The following NICN1 variants were observed in gnomAD, a reference collection of about 807,000 sequenced individuals.
NICN1 encodes nicolin 1, tubulin polyglutamylase complex subunit, also known as nicolin-1.
Under a neutral mutation model 26.3 loss-of-function variants are expected in NICN1, and 18 were observed. The observed-to-expected ratio is 0.68, with a 90% CI of 0.47 to 1.01. NICN1 has a LOEUF of 1.01. Among genes scored for constraint, NICN1 ranks in the 50% least tolerant of loss-of-function variants. The pLI is 0.00. For synonymous variants in NICN1, 109 were observed against 111.0 expected, an observed-to-expected ratio of 0.98 and a Z score of 0.11; for missense variants, 239 against 278.3, an observed-to-expected ratio of 0.86 and a Z score of 1.00.
chr3:49,424,921 A>G (rs1296287750), intron 5 of NICN1, 28 bp downstream of exon 5: 2 of 1,613,298 alleles, frequency 1.2e-6, no homozygotes, highest in East Asian at 2.2e-5. Flanking sequence ...GGGCAAAGCA[A>G]GCCAAGCAGA....
chr3:49,426,462 A>C, intron 1 of NICN1, 34 bp from the exon 2 acceptor site: 1 of 1,590,188 alleles, frequency 6.3e-7, no homozygotes, highest in Non-Finnish European at 8.6e-7. Context: ...AACAAGTCAG[A>C]CCCAGGCCCA....
chr3:49,428,461 C>T (rs892995739), intron 1 of NICN1, among the ~76,000 whole-genome samples: 1 of 152,034 alleles, frequency 6.6e-6, no homozygotes, highest in African/African-American at 2.4e-5. Flanking sequence ...GTGGCTCAAG[C>T]CTGTAATCCC....
chr3:49,426,355 T>A lies in NICN1; in HGVS notation c.206A>T (p.His69Leu). 2 of 1,614,188 alleles carry A rather than the reference T, an allele frequency of 1.2e-6. No homozygotes were observed. The highest frequency in any genetic ancestry group is 1.7e-6 in the Non-Finnish European group (2 of 1,180,034). Residue 69 changes from histidine (H) to leucine (L), a missense_variant, in exon 2 of 6, where the codon CAC becomes CTC. Physicochemically the swap from His to Leu is moderately conservative, Grantham distance 99. Transcript: ENST00000273598. Reference protein sequence around the residue: ...SIRVRQYTSAHTPAKWVTCLR... With the variant: ...SIRVRQYTSALTPAKWVTCLR... ...GCAGGTCACCCACTTGGCAGGTGTG[T>A]GTGCTGAGGTGTACTGACGGACACG... is the stretch of plus-strand genomic sequence containing the variant.
At position 49,422,537 on chromosome 3, in the gene NICN1, C is replaced by G; in HGVS notation, c.*2296G>C. On this transcript the variant is annotated 3_prime_UTR_variant, in exon 6 of 6. Coordinates refer to ENST00000273598, the MANE Select transcript of NICN1 (RefSeq NM_032316.3). ...GATGTAGTCCAGGCCTCTGCTCGGA[C>G]AGGTCTCTCTCCGGAGCAAAGGATC... 7.2e-7 allele frequency: 1 copy of G among 1,392,538 alleles called. No homozygotes were observed. The highest frequency in any genetic ancestry group is 1.0e-6 in the Non-Finnish European group (1 of 998,038). The allele number at this position is 1,392,538 out of a possible 1,614,324, so 86.3% of individuals were successfully genotyped here. A position where few individuals can be genotyped will look rare whatever the true frequency, so the allele number is the denominator to read the frequency against.
intron 2 of NICN1, 90 bp downstream of exon 2, chr3:49,426,162 C>G: frequency 2.2e-6 from 3 of 1,369,896 alleles, no homozygotes; most frequent in Non-Finnish European, 2.0e-6. Context: ...CAGACTGGCC[C>G]CCTCTTCCCT....
At position 49,422,874 on chromosome 3, in the gene NICN1, A is replaced by G. The variant is rs569163347; in HGVS notation, c.*1959T>C. 2.0e-5 allele frequency: 7 copies of G among 353,962 alleles called. No homozygotes were observed. In the Admixed American group the frequency reaches 2.3e-4, roughly 11 times the overall value. The allele number at this position is 353,962 out of a possible 1,614,324, so 21.9% of individuals were successfully genotyped here. On this transcript the variant is annotated 3_prime_UTR_variant, in exon 6 of 6. Coordinates refer to ENST00000273598, the MANE Select transcript of NICN1 (RefSeq NM_032316.3). ...CAGCCTGGCAGGTAGGCAGCACCACAGTAGTCTGTCCTCATGTGGACCCCT... is the reference window on the plus strand; with the variant it reads ...CAGCCTGGCAGGTAGGCAGCACCACGGTAGTCTGTCCTCATGTGGACCCCT...
Position 49,422,918 on chromosome 3 carries a change from C to A in NICN1, c.*1915G>T. The A allele has an allele frequency of 3.5e-6, 1 of 286,768 alleles. No homozygotes were observed. The highest frequency in any genetic ancestry group is 3.3e-5 in the South Asian group (1 of 29,856). The allele number at this position is 286,768 out of a possible 1,614,324, so 17.8% of individuals were successfully genotyped here. On this transcript the variant is annotated 3_prime_UTR_variant, in exon 6 of 6. Transcript: ENST00000273598. The stretch of plus-strand genomic sequence containing the variant: ...GACCCCTAGTTCCACAGCTCTCCCA[C>A]CAGGCAGACACAGGCAGCCAGCAGT...
At position 49,422,618 on chromosome 3, in the gene NICN1, G is replaced by A. The variant is rs2049132068; in HGVS notation, c.*2215C>T. ...GCTGGGATTTAGAGCAGAGAATGCA[G>A]GAACCCGCAACCACAGGGAAGAAGC... On this transcript the variant is annotated 3_prime_UTR_variant, in exon 6 of 6. Transcript: ENST00000273598. The A allele has an allele frequency of 2.6e-6, 2 of 766,738 alleles. No homozygotes were observed. Among genetic ancestry groups the A allele is most frequent in the Non-Finnish European group, 2.3e-6 (1 of 442,862 alleles). The allele number at this position is 766,738 out of a possible 1,614,324, so 47.5% of individuals were successfully genotyped here.
At chr3:49,428,634 G>A (rs1390473207) in intron 1 of NICN1, among the ~76,000 whole-genome samples, 1 of 150,984 alleles carries the variant, frequency 6.6e-6, no homozygotes, top group African/African-American at 2.4e-5. Flanking sequence ...GGCAGGAGAA[G>A]CGCTTGAACC....
intron 1 of NICN1, among the ~76,000 whole-genome samples, chr3:49,426,827 G>A (rs1231331131): frequency 1.3e-5 from 2 of 152,212 alleles, no homozygotes; most frequent in African/African-American, 2.4e-5. Flanking sequence ...ATTTCAACAA[G>A]TATCACTAGG....
chr3:49,428,201 C>A (rs1281975976), intron 1 of NICN1, among the ~76,000 whole-genome samples: 1 of 151,278 alleles, frequency 6.6e-6, no homozygotes, highest in Admixed American at 6.6e-5. Context: ...GCCTGGGCAA[C>A]AAGAGTGAAC....
At position 49,426,003 on chromosome 3, in the gene NICN1, C is replaced by A. The variant is rs777077031; in HGVS notation, c.310-7G>T. ...TAGCCATGTCACACAGCATCTGACA[C>A]ACACACACAAGGACCCAGCAAGGAT... On this transcript the variant is annotated splice_region_variant and splice_polypyrimidine_tract_variant and intron_variant, in intron 2 of 5. Coordinates refer to ENST00000273598, the MANE Select transcript of NICN1 (RefSeq NM_032316.3). 6.4e-6 allele frequency: 10 copies of A among 1,568,778 alleles called. No individual in the cohort carries two copies. In the South Asian group the frequency reaches 1.1e-4, roughly 17 times the overall value.
Position 49,424,964 on chromosome 3 carries a change from C to G in NICN1, c.585G>C (p.Arg195Ser). The change falls in exon 5 of 6, where the codon AGG becomes AGC. Residue 195 changes from arginine (R) to serine (S), a missense_variant. Arg to Ser is a moderately radical substitution (Grantham distance 110). Transcript: ENST00000273598. ...GATTACTTACATCAAAGCGGCCGATCCTTGCGGAGGTGTGACTGGCCCGGA... is the reference window on the plus strand; with the variant it reads ...GATTACTTACATCAAAGCGGCCGATGCTTGCGGAGGTGTGACTGGCCCGGA... Reference protein sequence around the residue: ...EMIRASHTSARIGRFDVDGCY... With the variant: ...EMIRASHTSASIGRFDVDGCY... 6 of 1,614,158 alleles carry G rather than the reference C, an allele frequency of 3.7e-6. No homozygotes were observed. Among genetic ancestry groups the G allele is most frequent in the Non-Finnish European group, 5.1e-6 (6 of 1,180,036 alleles).
rs2049127020 is a variant in NICN1 at position 49,422,458 on chromosome 3, T to G, written c.*2375A>C. 1 of 1,612,022 alleles carries G rather than the reference T, an allele frequency of 6.2e-7. No homozygotes were observed. On this transcript the variant is annotated 3_prime_UTR_variant, in exon 6 of 6. Coordinates refer to ENST00000273598, the MANE Select transcript of NICN1 (RefSeq NM_032316.3). The stretch of plus-strand genomic sequence containing the variant: ...ACTTACAGCCCTCTGCATCGTCGCC[T>G]GCAACGAGTGCAGACGGCGCACAGA...
chr3:49,428,543 G>A (rs930826182), intron 1 of NICN1, among the ~76,000 whole-genome samples: 1 of 151,854 alleles, frequency 6.6e-6, no homozygotes, highest in African/African-American at 2.4e-5. Context: ...CCAATATGGA[G>A]AAACCCTGTC....
rs372743857 is a variant in NICN1 at position 49,425,039 on chromosome 3, G to A, written c.510C>T (p.Pro170=). 2.0e-5 allele frequency: 32 copies of A among 1,613,788 alleles called. No homozygotes were observed. Among genetic ancestry groups the A allele is most frequent in the Middle Eastern group, 1.6e-4 (1 of 6,074 alleles). ...GCTGCACCTCGGAGGATACCCTGCT[G>A]GGGTCTGGGAGACCCTGCTCCAGAA... ...PALLREGLPD[P]SRVSSEVQQM... is the part of the protein sequence containing the mutation. The change falls in exon 5 of 6, where the codon CCC becomes CCT. Residue 170 remains proline, a synonymous_variant. Coordinates refer to ENST00000273598, the MANE Select transcript of NICN1 (RefSeq NM_032316.3).
chr3:49,424,694 G>C lies in NICN1; in HGVS notation c.*139C>G. 1 of 746,656 alleles carries C rather than the reference G, an allele frequency of 1.3e-6. No homozygotes were observed. Among genetic ancestry groups the C allele is most frequent in the South Asian group, 1.5e-5 (1 of 65,802 alleles). 46.3% of individuals were successfully genotyped at this position (746,656 alleles called of 1,614,324 possible). Reference sequence around the variant, plus strand: ...AACACGGTAAGCCCCTGAGAATCCTGAATCTGTGAATGTGGCCCAGACAGA... The same window carrying C: ...AACACGGTAAGCCCCTGAGAATCCTCAATCTGTGAATGTGGCCCAGACAGA... On this transcript the variant is annotated 3_prime_UTR_variant, in exon 6 of 6. Coordinates refer to ENST00000273598, the MANE Select transcript of NICN1 (RefSeq NM_032316.3).
rs148166670 is a variant in NICN1, at chr3:49,422,463, C to T, written c.*2370G>A. 2.4e-5 allele frequency: 38 copies of T among 1,611,534 alleles called. No individual in the cohort carries two copies. The African/African-American group carries it at 2.8e-4, about 12-fold the overall frequency. On this transcript the variant is annotated 3_prime_UTR_variant, in exon 6 of 6. Transcript: ENST00000273598. ...CAGCCCTCTGCATCGTCGCCTGCAACGAGTGCAGACGGCGCACAGAGGCCA... is the reference window on the plus strand; with the variant it reads ...CAGCCCTCTGCATCGTCGCCTGCAATGAGTGCAGACGGCGCACAGAGGCCA...
intron 1 of NICN1, among the ~76,000 whole-genome samples, chr3:49,428,892 A>G (rs2049195958): frequency 6.6e-6 from 1 of 152,166 alleles, no homozygotes; most frequent in African/African-American, 2.4e-5. Context: ...GCTGTCCTGG[A>G]TGTGGGCAAG....
Sources: allele counts gnomAD v4.1 joint callset (sites outside exome capture counted in the v4.1 genomes callset), GRCh38; gene constraint gnomAD v4.1.1; transcripts MANE v1.5; gene names NCBI Gene and HGNC (gene_info 2026-07-23, HGNC 2026-07-21).